NAALADL2: variants seen among roughly 807,000 people sequenced by gnomAD.
The protein encoded by NAALADL2 is inactive N-acetylated-alpha-linked acidic dipeptidase-like protein 2.
In NAALADL2, 76 loss-of-function variants were observed where a neutral mutation model predicts 87.2. The observed-to-expected ratio is 0.87, with a 90% confidence interval of 0.72 to 1.05. The LOEUF (loss-of-function observed/expected upper bound fraction) is 1.05. Among genes scored for constraint, NAALADL2 ranks in the 50% least tolerant of loss-of-function variants. The probability of loss-of-function intolerance (pLI) is 0.00; values close to 1 mark genes in which losing one functional copy is unlikely to be tolerated. For synonymous variants in NAALADL2, 354 were observed against 331.0 expected, an observed-to-expected ratio of 1.07 and a Z score of -0.75; for missense variants, 1,089 against 945.8, an observed-to-expected ratio of 1.15 and a Z score of -1.99.
intron 1 of NAALADL2, among the ~76,000 whole-genome samples, chr3:174,994,285 A>G (rs1363071181): frequency 6.6e-6 from 1 of 152,214 alleles, no homozygotes; most frequent in Non-Finnish European, 1.5e-5. Flanking sequence ...ATGGATTAAT[A>G]AAGTGTGGCA....
At chr3:175,032,546 A>G (rs539569230) in intron 1 of NAALADL2, among the ~76,000 whole-genome samples, 7 of 152,186 alleles carry the variant, frequency 4.6e-5, no homozygotes, top group Admixed American at 2.0e-4. Context: ...AATAACAAAT[A>G]TTATATAATT....
intron 2 of NAALADL2, among the ~76,000 whole-genome samples, chr3:175,202,860 C>T (rs972152867): frequency 1.3e-5 from 2 of 152,056 alleles, no homozygotes; most frequent in African/African-American, 4.8e-5. Context: ...AGGATTATGG[C>T]TGCCTCTGCA....
chr3:175,678,903 A>G (rs188356496), intron 11 of NAALADL2, among the ~76,000 whole-genome samples: 165 of 152,304 alleles, frequency 1.1e-3, no homozygotes, highest in Non-Finnish European at 5.3e-4. Context: ...TGTGAGCAAC[A>G]AGGCTGTTCA....
At chr3:175,215,414 C>G (rs1472388833) in intron 2 of NAALADL2, among the ~76,000 whole-genome samples, 2 of 152,144 alleles carry the variant, frequency 1.3e-5, no homozygotes, top group Admixed American at 6.6e-5. Context: ...TCTTCTATGT[C>G]CGGGAGCTGA....
chr3:174,686,114 G>C (rs1728014072), intron 2 of NAALADL2, among the ~76,000 whole-genome samples: 1 of 151,948 alleles, frequency 6.6e-6, no homozygotes, highest in Non-Finnish European at 1.5e-5. Flanking sequence ...ATTGTGTATA[G>C]TGATGCAATG....
chr3:174,453,789 T>C (rs1715640145), intron 1 of NAALADL2, among the ~76,000 whole-genome samples: 1 of 152,116 alleles, frequency 6.6e-6, no homozygotes, highest in Non-Finnish European at 1.5e-5. Flanking sequence ...GAGAGACCAT[T>C]ACCAGCCGCT....
At chr3:175,355,390 CT>C (rs1465771068) in intron 5 of NAALADL2, among the ~76,000 whole-genome samples, 1 of 152,018 alleles carries the variant, frequency 6.6e-6, no homozygotes, top group Admixed American at 6.6e-5. Context: ...AAAATTTTGA[CT>C]ATGAAATGAG....
intron 2 of NAALADL2, among the ~76,000 whole-genome samples, chr3:175,168,787 C>T (rs976160076): frequency 6.6e-6 from 1 of 151,718 alleles, no homozygotes; most frequent in Admixed American, 6.6e-5. Flanking sequence ...CATGAACATA[C>T]ATTATGGACA....
Position 174,879,101 on chromosome 3 carries a change from G to A in NAALADL2, c.43+19651G>A, listed in dbSNP as rs568846215. On this transcript the variant is annotated intron_variant, in intron 1 of 13. Transcript: ENST00000454872. Reference sequence around the variant, plus strand: ...TTTCAAGGTTATACAAGCTTAACTAGCCTTCCAGTGCAGAAGTAGAGCTTT... The same window carrying A: ...TTTCAAGGTTATACAAGCTTAACTAACCTTCCAGTGCAGAAGTAGAGCTTT... Among the ~76,000 whole-genome samples the A allele has an allele frequency of 3.3e-5, 5 of 152,166 alleles. No homozygotes were observed. The South Asian group carries it at 1.0e-3, about 32-fold the overall frequency.
chr3:174,818,591 A>C lies in NAALADL2; in HGVS notation c.-9+80845A>C, dbSNP rs192312753. 1.4e-4 allele frequency among the ~76,000 whole-genome samples: 22 copies of C among 152,188 alleles called. No homozygotes were observed. The East Asian group carries it at 2.3e-3, about 16-fold the overall frequency. ...GTGTCACCTTTGTCTTGGATTTCTTATTTTCTCCTTCCTCTACCTGTCACA... is the reference window on the plus strand; with the variant it reads ...GTGTCACCTTTGTCTTGGATTTCTTCTTTTCTCCTTCCTCTACCTGTCACA... On this transcript the variant is annotated intron_variant, in intron 3 of 3. Transcript: ENST00000434257.
chr3:174,866,744 G>A (rs1277123984), intron 1 of NAALADL2, among the ~76,000 whole-genome samples: 1 of 151,730 alleles, frequency 6.6e-6, no homozygotes, highest in East Asian at 1.9e-4. Flanking sequence ...ACCTTCAGAT[G>A]CAATGAAGTA....
chr3:174,599,458 G>C (rs1658933495), intron 2 of NAALADL2, among the ~76,000 whole-genome samples: 1 of 152,084 alleles, frequency 6.6e-6, no homozygotes, highest in South Asian at 2.1e-4. Flanking sequence ...TATGGGAAGG[G>C]TGTGTCTCAG....
At chr3:175,414,890 A>T (rs1334312314) in intron 5 of NAALADL2, among the ~76,000 whole-genome samples, 1 of 152,184 alleles carries the variant, frequency 6.6e-6, no homozygotes, top group African/African-American at 2.4e-5. Flanking sequence ...GAAGAAATTT[A>T]GCTGATTAAA....
At chr3:174,946,221 A>G (rs1457283542) in intron 1 of NAALADL2, among the ~76,000 whole-genome samples, 1 of 151,978 alleles carries the variant, frequency 6.6e-6, no homozygotes. Flanking sequence ...ATATTTCTCA[A>G]TGGAATGCGT....
chr3:175,054,559 A>G (rs1711706631), intron 1 of NAALADL2, among the ~76,000 whole-genome samples: 1 of 152,208 alleles, frequency 6.6e-6, no homozygotes, highest in Non-Finnish European at 1.5e-5. Flanking sequence ...CTCATTTTCT[A>G]ATTGTTCACT....
intron 2 of NAALADL2, among the ~76,000 whole-genome samples, chr3:174,612,360 C>T (rs1207007919): frequency 6.6e-6 from 1 of 152,086 alleles, no homozygotes; most frequent in Non-Finnish European, 1.5e-5. Context: ...CTGTTATTAT[C>T]CCTTTGAATA....
intron 2 of NAALADL2, among the ~76,000 whole-genome samples, chr3:174,571,277 C>T (rs550528204): frequency 8.1e-4 from 122 of 150,474 alleles, no homozygotes; most frequent in Middle Eastern, 6.8e-3. Context: ...AAAAATCTTT[C>T]GTTTTTTTAG....
At chr3:175,671,307 T>A (rs556616421) in intron 11 of NAALADL2, among the ~76,000 whole-genome samples, 1 of 152,122 alleles carries the variant, frequency 6.6e-6, no homozygotes, top group East Asian at 1.9e-4. Flanking sequence ...TTTGGATGCA[T>A]GAGTAACTTT....
chr3:174,647,446 T>G (rs1723907850), intron 2 of NAALADL2, among the ~76,000 whole-genome samples: 1 of 152,144 alleles, frequency 6.6e-6, no homozygotes, highest in Admixed American at 6.5e-5. Flanking sequence ...AGCAACAGGA[T>G]TTTGAAGTAA....
Sources: gnomAD v4.1 joint callset for allele counts (sites outside exome capture counted in the v4.1 genomes callset) on GRCh38, gnomAD v4.1.1 for gene constraint, MANE v1.5 for transcripts, NCBI Gene and HGNC (gene_info 2026-07-23, HGNC 2026-07-21) for gene names.